Variants in WDR74 observed in about 807,000 individuals in gnomAD.
WDR74 encodes WD repeat domain 74, also known as WD repeat-containing protein 74.
In WDR74, 31 loss-of-function variants were observed where a neutral mutation model predicts 45.6. The ratio of observed to expected loss-of-function variants is 0.68; its 90% CI spans 0.51 to 0.92. The LOEUF is 0.92. Among genes scored for constraint, WDR74 ranks in the 40% least tolerant of loss-of-function variants. WDR74 has a pLI of 0.00. For missense variants in WDR74, 455 were observed against 497.2 expected (o/e 0.92, Z 0.81); for synonymous variants, 191 against 192.4 (o/e 0.99, Z 0.06).
upstream of WDR74, chr11:62,841,592 T>G (rs769582336): frequency 6.6e-6 from 1 of 152,288 alleles, no homozygotes; most frequent in Non-Finnish European, 1.5e-5. Flanking sequence ...AATCTTCCAT[T>G]AAACAACGGT....
upstream of WDR74, chr11:62,839,597 C>T (rs527331938): frequency 3.7e-5 from 58 of 1,584,446 alleles, no homozygotes; most frequent in South Asian, 5.5e-4. Context: ...AGACAGTTCA[C>T]ACTTCCGGCG....
At position 62,833,641 on chromosome 11, in the gene WDR74, A is replaced by G. The variant is rs2084911544; in HGVS notation, c.955T>C (p.Leu319=). Residue 319 remains leucine (L), a synonymous_variant, in exon 10 of 11, where the codon TTG becomes CTG. Coordinates refer to ENST00000278856, the MANE Select transcript of WDR74 (RefSeq NM_001369450.1). The stretch of plus-strand genomic sequence containing the variant: ...ACCTCCCAGTTGTCCCTGCCTGACA[A>G]GAGGAGGCAGTTCAATTGAGACTTG... ...YLKSQLNCLL[L]SGRDNWEDEP... is the part of the protein sequence containing the mutation. 3 of 1,552,830 alleles carry G rather than the reference A, an allele frequency of 1.9e-6. No homozygotes were observed. Among genetic ancestry groups the G allele is most frequent in the Non-Finnish European group, 2.6e-6 (3 of 1,147,614 alleles).
intron 3 of WDR74, among the ~76,000 whole-genome samples, chr11:62,838,240 C>A (rs551454294): frequency 6.6e-6 from 1 of 152,044 alleles, no homozygotes; most frequent in Non-Finnish European, 1.5e-5. Flanking sequence ...GCAACCTCTG[C>A]GGGACGGATT....
In WDR74 at chr11:62,834,539, C is replaced by T; in HGVS notation, c.619-12G>A. Reference sequence around the variant, plus strand: ...TCATAAACACGGACCTAGAGGAAGGCTGAAGCATCACAAAAGTATCCTCAC... The same window carrying T: ...TCATAAACACGGACCTAGAGGAAGGTTGAAGCATCACAAAAGTATCCTCAC... On this transcript the variant is annotated splice_polypyrimidine_tract_variant and intron_variant, in intron 6 of 10. Transcript: ENST00000278856. 6.2e-7 allele frequency: 1 copy of T among 1,601,278 alleles called. No homozygotes were observed. Among genetic ancestry groups the T allele is most frequent in the Non-Finnish European group, 8.5e-7 (1 of 1,177,732 alleles).
chr11:62,838,496 C>T (rs1590989715), intron 3 of WDR74, among the ~76,000 whole-genome samples: 1 of 151,762 alleles, frequency 6.6e-6, no homozygotes, highest in African/African-American at 2.4e-5. Context: ...CAGTGGCTCA[C>T]GCCTGTAATC....
chr11:62,839,312 G>A lies in WDR74; in HGVS notation c.171+10C>T, dbSNP rs775145640. The stretch of plus-strand genomic sequence containing the variant: ...GGCCCCCAGCTCCGGCCCGACCAGG[G>A]GCCACTCACCTGGGTCTCGCCGCCG... On this transcript the variant is annotated intron_variant, in intron 2 of 10. Transcript: ENST00000278856. 2.5e-6 allele frequency: 4 copies of A among 1,610,474 alleles called. No homozygotes were observed. The highest frequency in any genetic ancestry group is 3.4e-6 in the Non-Finnish European group (4 of 1,179,412).
chr11:62,841,272 A>G (rs1403177215), upstream of WDR74, among the ~76,000 whole-genome samples: 2 of 152,160 alleles, frequency 1.3e-5, no homozygotes, highest in Admixed American at 1.3e-4. Context: ...AGCTGAGATC[A>G]TGCCATTGCA....
At chr11:62,838,963 G>T (rs1354974846) in intron 3 of WDR74, 151 bp downstream of exon 3, 8 of 1,059,030 alleles carry the variant, frequency 7.6e-6, no homozygotes, top group Middle Eastern at 3.2e-4. Flanking sequence ...GTGTGTTACA[G>T]GTATGAACTA....
At chr11:62,838,675 T>C (rs1463919136) in intron 3 of WDR74, among the ~76,000 whole-genome samples, 2 of 151,542 alleles carry the variant, frequency 1.3e-5, no homozygotes, top group Admixed American at 6.6e-5. Context: ...GGAGTATCGC[T>C]TGAACCCGGG....
At chr11:62,840,612 GAGATT>G, upstream of WDR74, among the ~76,000 whole-genome samples, 1 of 152,296 alleles carries the variant, frequency 6.6e-6, no homozygotes, top group South Asian at 2.1e-4. Context: ...ACTTTACCTA[GAGATT>G]AACACAGAAA....
At chr11:62,834,002 G>C (rs563359956) in intron 8 of WDR74, 65 bp from the exon 9 acceptor site, 19 of 1,579,436 alleles carry the variant, frequency 1.2e-5, no homozygotes, top group South Asian at 3.4e-5. Flanking sequence ...ATTGTTTCCT[G>C]TTCCAATCAC....
chr11:62,839,023 A>C, intron 3 of WDR74, 91 bp downstream of exon 3: 3 of 1,558,624 alleles, frequency 1.9e-6, no homozygotes, highest in Non-Finnish European at 2.6e-6. Context: ...CCGTGTCACT[A>C]AGAGTTTGCC....
chr11:62,833,479 G>T (rs1236687105), intron 10 of WDR74, 139 bp downstream of exon 10: 2 of 1,049,684 alleles, frequency 1.9e-6, no homozygotes, highest in East Asian at 2.6e-5. Flanking sequence ...AACTGTTAAT[G>T]CCTCTCAGAG....
intron 10 of WDR74, among the ~76,000 whole-genome samples, chr11:62,833,404 C>G (rs1469605040): frequency 6.6e-6 from 1 of 151,796 alleles, no homozygotes; most frequent in Non-Finnish European, 1.5e-5. Flanking sequence ...GTACCACCAC[C>G]TTTATTCCCT....
chr11:62,840,673 A>G (rs937608120), upstream of WDR74, among the ~76,000 whole-genome samples: 1 of 152,158 alleles, frequency 6.6e-6, no homozygotes, highest in Non-Finnish European at 1.5e-5. Flanking sequence ...TCTAACGCGA[A>G]GATTTATTTA....
At chr11:62,839,753 G>A (rs2085020787), upstream of WDR74, 1 of 735,566 alleles carries the variant, frequency 1.4e-6, no homozygotes, top group Non-Finnish European at 2.2e-6. Flanking sequence ...TAGATCGGAA[G>A]AATACATTGA....
At position 62,834,270 on chromosome 11, in the gene WDR74, A is replaced by G; in HGVS notation, c.775+6T>C. 1 of 1,613,646 alleles carries G rather than the reference A, an allele frequency of 6.2e-7. No homozygotes were observed. Among genetic ancestry groups the G allele is most frequent in the Non-Finnish European group, 8.5e-7 (1 of 1,179,824 alleles). On this transcript the variant is annotated splice_donor_region_variant and intron_variant, in intron 8 of 10. Coordinates refer to ENST00000278856, the MANE Select transcript of WDR74 (RefSeq NM_001369450.1). ...CCTTTCCCCCAATGTACCCTAGTCC[A>G]CTCACCTTGCCGAAGGTCAATTTCT...
In WDR74 at chr11:62,835,739, A is replaced by C. The variant is rs754166437; in HGVS notation, c.472T>G (p.Trp158Gly). Residue 158 changes from tryptophan to glycine, a missense_variant, in exon 5 of 11, where the codon TGG becomes GGG. Trp to Gly is a radical substitution (Grantham distance 184). Coordinates refer to ENST00000278856, the MANE Select transcript of WDR74 (RefSeq NM_001369450.1). ...TGGKENALKI[W>G]DLQGSEEPVF... Reference sequence around the variant, plus strand: ...GGTTCCTCAGAGCCCTGCAGGTCCCATATCTTCAAAGCATTCTCTTTCCCA... The same window carrying C: ...GGTTCCTCAGAGCCCTGCAGGTCCCCTATCTTCAAAGCATTCTCTTTCCCA... The C allele has an allele frequency of 3.1e-6, 5 of 1,613,912 alleles. No individual in the cohort carries two copies. Among genetic ancestry groups the C allele is most frequent in the Non-Finnish European group, 4.2e-6 (5 of 1,179,850 alleles).
upstream of WDR74, chr11:62,841,727 T>G (rs957530317): frequency 6.6e-6 from 1 of 152,190 alleles, no homozygotes; most frequent in Non-Finnish European, 1.5e-5. Flanking sequence ...TAATATATTG[T>G]CCTCGGATAG....
Sources: allele counts gnomAD v4.1 joint callset (sites outside exome capture counted in the v4.1 genomes callset), GRCh38; gene constraint gnomAD v4.1.1; transcripts MANE v1.5; gene names NCBI Gene and HGNC (gene_info 2026-07-23, HGNC 2026-07-21).